Variants in STAC observed in about 807,000 individuals in gnomAD.
STAC encodes SH3 and cysteine-rich domain-containing protein.
STAC carries 43 observed loss-of-function variants against 48.8 expected under a neutral mutation model. The ratio of observed to expected loss-of-function variants is 0.88; its 90% CI spans 0.69 to 1.14. The LOEUF is 1.14. Among genes scored for constraint, STAC ranks in the 50% most tolerant of loss-of-function variants. STAC has a pLI of 0.00. For synonymous variants in STAC, 193 were observed against 179.5 expected (o/e 1.07, Z -0.60); for missense variants, 497 against 504.0 (o/e 0.99, Z 0.13).
intron 1 of STAC, among the ~76,000 whole-genome samples, chr3:36,417,463 G>A (rs138829749): frequency 2.8e-4 from 43 of 151,974 alleles, no homozygotes; most frequent in African/African-American, 9.2e-4. Context: ...ACACACACAC[G>A]TATATAAATT....
intron 1 of STAC, among the ~76,000 whole-genome samples, chr3:36,431,685 G>C (rs879821143): frequency 9.2e-5 from 14 of 152,290 alleles, no homozygotes; most frequent in Non-Finnish European, 1.8e-4. Context: ...AGGAAAAAAA[G>C]GGAGAGAGGT....
intron 1 of STAC, among the ~76,000 whole-genome samples, chr3:36,398,073 G>C (rs1038356072): frequency 6.6e-6 from 1 of 152,042 alleles, no homozygotes; most frequent in African/African-American, 2.4e-5. Flanking sequence ...TGGTAAGTTT[G>C]TCCATAGCCT....
chr3:36,398,509 GAA>G lies in STAC; in HGVS notation c.111+17759_111+17760del, dbSNP rs1306704217. 7.5e-4 allele frequency among the ~76,000 whole-genome samples: 71 copies of G among 94,060 alleles called. 7 individuals are homozygous for G. The highest frequency in any genetic ancestry group is 1.1e-3 in the Non-Finnish European group (50 of 46,234). 61.7% of individuals were successfully genotyped at this position (94,060 alleles called of 152,430 possible). The stretch of plus-strand genomic sequence containing the variant: ...GAAGAAAGGAAGGAGGGAAGGAAGA[GAA>G]AAAGAAAGAGAGAGAAAGAAAGAAA... On this transcript the variant is annotated intron_variant, in intron 1 of 10. Transcript: ENST00000273183.
intron 1 of STAC, among the ~76,000 whole-genome samples, chr3:36,381,328 TA>T (rs1216478544): frequency 6.6e-6 from 1 of 152,238 alleles, no homozygotes; most frequent in Non-Finnish European, 1.5e-5. Context: ...TACTTGCTTT[TA>T]TGAAAGTTAC....
chr3:36,415,591 C>T (rs564822226), intron 1 of STAC, among the ~76,000 whole-genome samples: 8 of 152,316 alleles, frequency 5.3e-5, no homozygotes, highest in Middle Eastern at 3.4e-3. Flanking sequence ...CCCCCTGCTT[C>T]GGCTCACCGT....
At chr3:36,400,349 G>A (rs1233477713) in intron 1 of STAC, among the ~76,000 whole-genome samples, 1 of 152,222 alleles carries the variant, frequency 6.6e-6, no homozygotes, top group Non-Finnish European at 1.5e-5. Context: ...CCTTAATGGA[G>A]CATTCTGAAT....
intron 2 of STAC, among the ~76,000 whole-genome samples, chr3:36,479,069 T>C (rs111674533): frequency 1.9e-3 from 288 of 152,368 alleles, no homozygotes; most frequent in African/African-American, 6.4e-3. Flanking sequence ...TCTTCTGTTA[T>C]GTACTGGATC....
At chr3:36,528,556 G>T in intron 8 of STAC, 140 bp from the exon 9 acceptor site, 1 of 656,896 alleles carries the variant, frequency 1.5e-6, no homozygotes, top group South Asian at 3.0e-5. Flanking sequence ...TTGGTAGGAA[G>T]AACTGGTAAA....
chr3:36,443,802 G>A lies in STAC; in HGVS notation c.388+162G>A, dbSNP rs1207328851. 6.6e-6 allele frequency among the ~76,000 whole-genome samples: 1 copy of A among 152,214 alleles called. No individual in the cohort carries two copies. The highest frequency in any genetic ancestry group is 1.5e-5 in the Non-Finnish European group (1 of 68,044). On this transcript the variant is annotated intron_variant, in intron 2 of 10. Transcript: ENST00000273183. The surrounding 1 kb of genome is among the most constrained non-coding windows in gnomAD (Gnocchi z 4.2). ...CTTTGGGGAACAATATTTGTGAGAA[G>A]GTAAGGGAAGCAGCACTGGGTAGTG...
intron 1 of STAC, among the ~76,000 whole-genome samples, chr3:36,399,487 A>C (rs1699957659): frequency 3.9e-5 from 6 of 152,322 alleles, no homozygotes; most frequent in Admixed American, 3.9e-4. Context: ...GTAACATAGC[A>C]GAAAGTGTGA....
intron 1 of STAC, among the ~76,000 whole-genome samples, chr3:36,439,971 C>T (rs992400854): frequency 2.6e-5 from 4 of 152,230 alleles, no homozygotes; most frequent in African/African-American, 7.2e-5. Flanking sequence ...AGTTCTGACT[C>T]CTCTGTTAGT....
intron 1 of STAC, among the ~76,000 whole-genome samples, chr3:36,386,274 T>A (rs1328423046): frequency 1.3e-5 from 2 of 152,056 alleles, no homozygotes. Context: ...TGTCTTCTTA[T>A]GTAGTTGTTC....
intron 2 of STAC, among the ~76,000 whole-genome samples, chr3:36,469,670 C>G (rs1697272132): frequency 1.3e-5 from 2 of 152,304 alleles, no homozygotes; most frequent in Admixed American, 6.5e-5. Context: ...CTCAAATATG[C>G]TTTCTAAACT....
At chr3:36,530,301 G>T (rs1390117226) in intron 10 of STAC, among the ~76,000 whole-genome samples, 4 of 152,140 alleles carry the variant, frequency 2.6e-5, no homozygotes, top group Non-Finnish European at 5.9e-5. Flanking sequence ...CGCCCTACAA[G>T]GAAGTTCACA....
intron 2 of STAC, among the ~76,000 whole-genome samples, chr3:36,478,784 G>A (rs1023658933): frequency 2.6e-5 from 4 of 152,048 alleles, no homozygotes; most frequent in Non-Finnish European, 4.4e-5. Flanking sequence ...CACCGCACCC[G>A]GCTAGTTTTT....
chr3:36,480,962 GT>G (rs1480854252), intron 2 of STAC, among the ~76,000 whole-genome samples: 2 of 152,180 alleles, frequency 1.3e-5, no homozygotes, highest in African/African-American at 2.4e-5. Context: ...AATAATAATT[GT>G]GATAAATGAT....
intron 10 of STAC, among the ~76,000 whole-genome samples, chr3:36,529,608 A>G (rs1303320732): frequency 6.6e-6 from 1 of 152,184 alleles, no homozygotes; most frequent in Non-Finnish European, 1.5e-5. Flanking sequence ...CCTGAGAAGT[A>G]AAATGTGAAC....
At chr3:36,498,720 T>G (rs1698212564) in intron 6 of STAC, among the ~76,000 whole-genome samples, 1 of 152,010 alleles carries the variant, frequency 6.6e-6, no homozygotes, top group South Asian at 2.1e-4. Flanking sequence ...GCCACTGTAC[T>G]CCAGCCTGGG....
intron 1 of STAC, among the ~76,000 whole-genome samples, chr3:36,437,772 TATAATA>T (rs1353244995): frequency 6.6e-6 from 1 of 150,506 alleles, no homozygotes; most frequent in Non-Finnish European, 1.5e-5. Flanking sequence ...AAACTTAAGG[TATAATA>T]ATAATACAAT....
Sources: gnomAD v4.1 joint callset for allele counts (sites outside exome capture counted in the v4.1 genomes callset) on GRCh38, gnomAD v4.1.1 for gene constraint, Gnocchi (gnomAD v3.1) non-coding constraint, MANE v1.5 for transcripts, NCBI Gene and HGNC (gene_info 2026-07-23, HGNC 2026-07-21) for gene names.